Variants in RNF167 observed in about 807,000 individuals in gnomAD.
The protein encoded by RNF167 is ring finger protein 167.
RNF167 carries 19 observed loss-of-function variants against 34.8 expected under a neutral mutation model. The observed-to-expected ratio is 0.55, with a 90% CI of 0.38 to 0.80. RNF167 has a LOEUF of 0.80. Ranked by LOEUF, RNF167 falls within the 30% of genes least tolerant of loss-of-function variation. RNF167 has a pLI of 0.00. For missense variants in RNF167, 464 were observed against 447.0 expected, an observed-to-expected ratio of 1.04 and a Z score of -0.34; for synonymous variants, 200 against 170.4, an observed-to-expected ratio of 1.17 and a Z score of -1.35.
chr17:4,943,511 A>T lies in RNF167; in HGVS notation c.662A>T (p.Tyr221Phe), dbSNP rs1190115627. The change falls in exon 8 of 10, where the codon TAT (tyrosine) becomes TTT (phenylalanine). Residue 221 changes from tyrosine to phenylalanine, a missense_variant. By Grantham distance (22) the Tyr-to-Phe change is conservative (BLOSUM62 3). Transcript: ENST00000262482. ...CTGAAACAGATTCCTACACATGACT[A>T]TCAGAAGGGTGAGGGGGTTAGGGGA... ...EQLKQIPTHD[Y>F]QKGDQYDVCA... 6.2e-7 allele frequency: 1 copy of T among 1,612,828 alleles called. No homozygotes were observed. Among genetic ancestry groups the T allele is most frequent in the Admixed American group, 1.7e-5 (1 of 59,868 alleles).
At chr17:4,944,029 G>A (rs1432308093) in intron 8 of RNF167, among the ~76,000 whole-genome samples, 3 of 152,156 alleles carry the variant, frequency 2.0e-5, no homozygotes, top group Non-Finnish European at 4.4e-5. Flanking sequence ...GCAGTAGGAA[G>A]GTTTCAGCTT....
At chr17:4,942,762 G>A in intron 5 of RNF167, 89 bp from the exon 6 acceptor site, 2 of 1,577,736 alleles carry the variant, frequency 1.3e-6, no homozygotes, top group East Asian at 4.5e-5. Context: ...CCTTTAGGTG[G>A]GGTGGGGCCA....
rs751093503 is a variant in RNF167, at chr17:4,944,853, G to A, written c.890G>A (p.Gly297Glu). Residue 297 changes from glycine to glutamate, a missense_variant, in exon 10 of 10, where the codon GGG becomes GAG. Transcript: ENST00000262482. Reference sequence around the variant, plus strand: ...CAAGGGCAAGAGGAGGGTGATGAAGGGGAGCCAAGGGACCACCCTGCCTCA... The same window carrying A: ...CAAGGGCAAGAGGAGGGTGATGAAGAGGAGCCAAGGGACCACCCTGCCTCA... ...ETQGQEEGDE[G>E]EPRDHPASER... 6.2e-7 allele frequency: 1 copy of A among 1,613,738 alleles called. No homozygotes were observed. The highest frequency in any genetic ancestry group is 8.5e-7 in the Non-Finnish European group (1 of 1,179,840).
rs966941375 is a variant in RNF167, at chr17:4,940,808, A to G, written c.-102A>G. ...GGAAGTGGGACCTGGGGGTGGTTGG[A>G]CCCCTGGGATCCTAAAGGAGGGGCA... On this transcript the variant is annotated 5_prime_UTR_variant, in exon 2 of 10. Coordinates refer to ENST00000262482, the MANE Select transcript of RNF167 (RefSeq NM_015528.3). 23 of 1,075,920 alleles carry G rather than the reference A, an allele frequency of 2.1e-5. No individual in the cohort carries two copies. Among genetic ancestry groups the G allele is most frequent in the Non-Finnish European group, 2.9e-5 (22 of 767,218 alleles). The allele number at this position is 1,075,920 out of a possible 1,614,324, so 66.6% of individuals were successfully genotyped here.
At chr17:4,942,031 G>A (rs981833685) in intron 3 of RNF167, among the ~76,000 whole-genome samples, 2 of 152,286 alleles carry the variant, frequency 1.3e-5, no homozygotes, top group Admixed American at 1.3e-4. Flanking sequence ...GGTGGTTTGA[G>A]AATTGAATTA....
Position 4,943,414 on chromosome 17 carries a change from CG to C in RNF167, c.577-11del. On this transcript the variant is annotated splice_polypyrimidine_tract_variant and intron_variant, in intron 7 of 9. Transcript: ENST00000262482. ...TTCCTAAGCCTTGTCCATCCACCCCCGCTTCCCCCAGATAGCTCGTTGTATC... is the reference window on the plus strand; with the variant it reads ...TTCCTAAGCCTTGTCCATCCACCCCCCTTCCCCCAGATAGCTCGTTGTATC... 2 of 1,612,200 alleles carry C rather than the reference CG, an allele frequency of 1.2e-6. No individual in the cohort carries two copies. The highest frequency in any genetic ancestry group is 1.7e-6 in the Non-Finnish European group (2 of 1,178,948).
chr17:4,944,536 G>C (rs1480435716), intron 8 of RNF167, 22 bp from the exon 9 acceptor site: 1 of 1,558,102 alleles, frequency 6.4e-7, no homozygotes, highest in African/African-American at 1.4e-5. Context: ...TGAAGGACTA[G>C]ATTATTTTCT....
chr17:4,941,377 C>T (rs1017026448), intron 3 of RNF167, among the ~76,000 whole-genome samples: 6 of 152,036 alleles, frequency 3.9e-5, no homozygotes, highest in African/African-American at 1.2e-4. Flanking sequence ...CCTGGAACTC[C>T]GAGGTTATCA....
intron 8 of RNF167, 63 bp downstream of exon 8, chr17:4,943,582 GC>G: frequency 7.5e-7 from 1 of 1,334,368 alleles, no homozygotes; most frequent in Non-Finnish European, 1.1e-6. Flanking sequence ...AGGACTTTGA[GC>G]CCAGAAGATA....
At chr17:4,941,748 C>G (rs557101245) in intron 3 of RNF167, among the ~76,000 whole-genome samples, 94 of 152,218 alleles carry the variant, frequency 6.2e-4, no homozygotes, top group South Asian at 1.2e-3. Context: ...GAAACCCTAT[C>G]TCTACTAAAA....
intron 3 of RNF167, among the ~76,000 whole-genome samples, chr17:4,941,687 C>T (rs1270028577): frequency 2.6e-5 from 4 of 152,066 alleles, no homozygotes; most frequent in East Asian, 1.9e-4. Context: ...AGGCCGGGCG[C>T]GGTGGCTCAC....
intron 6 of RNF167, 63 bp from the exon 7 acceptor site, chr17:4,943,116 T>C (rs1207021344): frequency 6.8e-7 from 1 of 1,463,680 alleles, no homozygotes; most frequent in South Asian, 1.2e-5. Flanking sequence ...CCAGTTACTT[T>C]GTCCCTCTTT....
At chr17:4,942,274 G>T in intron 3 of RNF167, 67 bp from the exon 4 acceptor site, 3 of 1,567,668 alleles carry the variant, frequency 1.9e-6, no homozygotes, top group Non-Finnish European at 2.6e-6. Context: ...TGGTGTGTTT[G>T]GTGGCCCCTG....
Position 4,940,600 on chromosome 17 carries a change from C to G in RNF167, c.-310C>G, listed in dbSNP as rs900635012. On this transcript the variant is annotated 5_prime_UTR_variant, in exon 2 of 10. Coordinates refer to ENST00000262482, the MANE Select transcript of RNF167 (RefSeq NM_015528.3). ...GCCCACCTAGCAGGAAGTCCCACCT[C>G]CTTGAGCTCCGCCACCCTTCCCGAA... 10 of 311,766 alleles carry G rather than the reference C, an allele frequency of 3.2e-5. No homozygotes were observed. The highest frequency in any genetic ancestry group is 5.3e-5 in the Non-Finnish European group (9 of 170,412). 19.3% of individuals were successfully genotyped at this position (311,766 alleles called of 1,614,324 possible).
In RNF167 at chr17:4,942,623, ATG is replaced by A. The variant is rs1970938047; in HGVS notation, c.341_342del (p.Val114GlufsTer4). On this transcript the variant is annotated frameshift_variant, in exon 5 of 10. Transcript: ENST00000262482. LOFTEE classifies it high-confidence loss of function. ...GGATATGGTGCCGCTGTAGTACACA[ATG>A]TGAATTCCAATGAACTTCTGAACAT... 1.2e-6 allele frequency: 2 copies of A among 1,614,158 alleles called. No homozygotes were observed. Among genetic ancestry groups the A allele is most frequent in the Non-Finnish European group, 1.7e-6 (2 of 1,180,026 alleles).
Position 4,944,844 on chromosome 17 carries a change from GT to G in RNF167, c.882del (p.Asp295MetfsTer30), listed in dbSNP as rs1308143756. The G allele has an allele frequency of 2.0e-5, 32 of 1,613,664 alleles. No individual in the cohort carries two copies. The highest frequency in any genetic ancestry group is 2.6e-5 in the Non-Finnish European group (31 of 1,179,774). On this transcript the variant is annotated frameshift_variant, in exon 10 of 10. Transcript: ENST00000262482. LOFTEE classifies it low-confidence loss of function (END_TRUNC). ...QEEETQGQEE[G>X]DEGEPRDHPA... ...GAAGAAACTCAAGGGCAAGAGGAGG[GT>G]GATGAAGGGGAGCCAAGGGACCACC... is the stretch of plus-strand genomic sequence containing the variant.
chr17:4,942,157 T>C (rs1970874935), intron 3 of RNF167, among the ~76,000 whole-genome samples, 184 bp from the exon 4 acceptor site: 2 of 152,166 alleles, frequency 1.3e-5, no homozygotes, highest in Non-Finnish European at 2.9e-5. Flanking sequence ...GGATGTTTTA[T>C]GTCATTGCCT....
intron 8 of RNF167, 64 bp from the exon 9 acceptor site, chr17:4,944,494 A>G: frequency 6.6e-7 from 1 of 1,514,840 alleles, no homozygotes; most frequent in South Asian, 1.3e-5. Context: ...GCAAGGCTTT[A>G]AAAGCCTTAG....
chr17:4,943,409 AC>A lies in RNF167; in HGVS notation c.577-12del. 1 of 1,610,740 alleles carries A rather than the reference AC, an allele frequency of 6.2e-7. No homozygotes were observed. Among genetic ancestry groups the A allele is most frequent in the Non-Finnish European group, 8.5e-7 (1 of 1,178,342 alleles). The stretch of plus-strand genomic sequence containing the variant: ...TTTTGTTCCTAAGCCTTGTCCATCC[AC>A]CCCCGCTTCCCCCAGATAGCTCGTT... On this transcript the variant is annotated splice_polypyrimidine_tract_variant and intron_variant, in intron 7 of 9. Transcript: ENST00000262482.
Sources: gnomAD v4.1 joint callset for allele counts (sites outside exome capture counted in the v4.1 genomes callset) on GRCh38, gnomAD v4.1.1 for gene constraint, MANE v1.5 for transcripts, NCBI Gene and HGNC (gene_info 2026-07-23, HGNC 2026-07-21) for gene names.